UGT1A4: variants seen among roughly 807,000 people sequenced by gnomAD.
UGT1A4 encodes the protein UDP-glucuronosyltransferase 1A4.
UGT1A4 carries 32 observed loss-of-function variants against 41.1 expected under a neutral mutation model. That is an observed-to-expected ratio of 0.78 (90% confidence interval 0.59 to 1.05). The LOEUF (loss-of-function observed/expected upper bound fraction) is 1.05, where lower values mean the gene tolerates loss of function less well. UGT1A4 is among the 50% of genes least tolerant of loss of function. UGT1A4 has a pLI of 0.00. For missense variants in UGT1A4, 748 were observed against 677.4 expected, an observed-to-expected ratio of 1.10 and a Z score of -1.16; for synonymous variants, 283 against 265.1, an observed-to-expected ratio of 1.07 and a Z score of -0.66.
chr2:233,772,289 C>T lies in UGT1A4; in HGVS notation c.1335C>T (p.Ser445=). Residue 445 remains serine (S), a synonymous_variant, in exon 5 of 5, where the codon TCC becomes TCT. Coordinates refer to ENST00000373409, the MANE Select transcript of UGT1A4 (RefSeq NM_007120.3). ...ACAAGGAGAACATCATGCGCCTCTC[C>T]AGCCTTCACAAGGACCGCCCGGTGG... is the stretch of plus-strand genomic sequence containing the variant. The part of the protein sequence containing the change: ...KSYKENIMRL[S]SLHKDRPVEP... The T allele has an allele frequency of 6.2e-7, 1 of 1,614,242 alleles. No homozygotes were observed. The highest frequency in any genetic ancestry group is 8.5e-7 in the Non-Finnish European group (1 of 1,180,054).
Position 233,760,769 on chromosome 2 carries a change from C to T in UGT1A4, c.868-6265C>T, listed in dbSNP as rs756981269. 1.9e-6 allele frequency: 3 copies of T among 1,614,028 alleles called. No individual in the cohort carries two copies. The South Asian group carries it at 3.3e-5, about 18-fold the overall frequency. On this transcript the variant is annotated intron_variant, in intron 1 of 4. Coordinates refer to ENST00000373409, the MANE Select transcript of UGT1A4 (RefSeq NM_007120.3). ...TTCCTTCCTTGCAGCCCCATCGTGG[C>T]CCAGTACCTGTCTCTGCCCACTGTA...
Position 233,769,424 on chromosome 2 carries a change from G to T in UGT1A4, c.1307+985G>T. 2 of 1,481,600 alleles carry T rather than the reference G, an allele frequency of 1.3e-6. No homozygotes were observed. The highest frequency in any genetic ancestry group is 1.8e-4 in the Middle Eastern group (1 of 5,630). 91.8% of individuals were successfully genotyped at this position (1,481,600 alleles called of 1,614,324 possible). Reference sequence around the variant, plus strand: ...ATGTGCGTGTGCGTTTGTGCATGTGGCTGTGCTCATGTGTGGGTGCACACG... The same window carrying T: ...ATGTGCGTGTGCGTTTGTGCATGTGTCTGTGCTCATGTGTGGGTGCACACG... On this transcript the variant is annotated intron_variant, in intron 4 of 4. Coordinates refer to ENST00000373409, the MANE Select transcript of UGT1A4 (RefSeq NM_007120.3). This position sits in a 1 kb window ranked among gnomAD's most constrained non-coding sequence, Gnocchi z 4.4.
chr2:233,729,015 A>G, intron 1 of UGT1A4: 2 of 1,589,624 alleles, frequency 1.3e-6, no homozygotes, highest in Non-Finnish European at 1.7e-6. Context: ...CTGTCTTCCA[A>G]TTACACGTTG....
Position 233,719,004 on chromosome 2 carries a change from A to T in UGT1A4, c.184A>T (p.Thr62Ser). Residue 62 changes from threonine (T) to serine (S), a missense_variant, in exon 1 of 5, where the codon ACC (threonine) becomes TCC (serine). Thr to Ser is a moderately conservative substitution (Grantham distance 58, BLOSUM62 1). Coordinates refer to ENST00000373409, the MANE Select transcript of UGT1A4 (RefSeq NM_007120.3). ...HARGHQAVVL[T>S]PEVNMHIKEE... The stretch of plus-strand genomic sequence containing the variant: ...CAGAGGCCACCAGGCGGTGGTCCTC[A>T]CCCCAGAGGTGAATATGCACATCAA... 6.2e-7 allele frequency: 1 copy of T among 1,614,212 alleles called. No homozygotes were observed. The highest frequency in any genetic ancestry group is 8.5e-7 in the Non-Finnish European group (1 of 1,180,034).
At chr2:233,723,922 G>A (rs1482507868) in intron 1 of UGT1A4, among the ~76,000 whole-genome samples, 1 of 49,060 alleles carries the variant, frequency 2.0e-5, no homozygotes, top group Non-Finnish European at 3.5e-5. Flanking sequence ...AGTCTCCCAT[G>A]TCTACTTCTT....
At chr2:233,766,486 C>T (rs562758025) in intron 1 of UGT1A4, among the ~76,000 whole-genome samples, 29 of 152,240 alleles carry the variant, frequency 1.9e-4, no homozygotes, top group African/African-American at 6.5e-4. Flanking sequence ...ATGATGGGGG[C>T]GTGGCAGGCC....
rs1481234082 is a variant in UGT1A4 at position 233,745,697 on chromosome 2, C to T, written c.868-21337C>T. Among the ~76,000 whole-genome samples the T allele has an allele frequency of 4.1e-5, 6 of 147,560 alleles. 1 individual carries two copies. Among genetic ancestry groups the T allele is most frequent in the East Asian group, 2.0e-4 (1 of 4,980 alleles). ...GGAACATCAAAGCAAGTTTGGAGAA[C>T]AACAAGTGATCCAGAATGGCTGGAG... is the stretch of plus-strand genomic sequence containing the variant. On this transcript the variant is annotated intron_variant, in intron 1 of 4. Coordinates refer to ENST00000373409, the MANE Select transcript of UGT1A4 (RefSeq NM_007120.3).
At chr2:233,766,826 T>G (rs1699252557) in intron 1 of UGT1A4, among the ~76,000 whole-genome samples, 1 of 152,230 alleles carries the variant, frequency 6.6e-6, no homozygotes, top group Non-Finnish European at 1.5e-5. Context: ...AGGATAATTC[T>G]GTAAGCAGGA....
Position 233,769,609 on chromosome 2 carries a change from C to T in UGT1A4, c.1307+1170C>T, listed in dbSNP as rs776582226. The T allele has an allele frequency of 3.7e-6, 6 of 1,612,752 alleles. No individual in the cohort carries two copies. Among genetic ancestry groups the T allele is most frequent in the Non-Finnish European group, 5.1e-6 (6 of 1,179,862 alleles). On this transcript the variant is annotated intron_variant, in intron 4 of 4. Transcript: ENST00000373409. The surrounding 1 kb of genome is among the most constrained non-coding windows in gnomAD (Gnocchi z 4.4). ...AGAGGAGACGGAACACGGGGACACACCAGCTTGAGCAAGGGACAACAGGGG... is the reference window on the plus strand; with the variant it reads ...AGAGGAGACGGAACACGGGGACACATCAGCTTGAGCAAGGGACAACAGGGG...
rs371053346 is a variant in UGT1A4 at position 233,720,746 on chromosome 2, C to T, written c.867+1059C>T. On this transcript the variant is annotated intron_variant, in intron 1 of 4. Coordinates refer to ENST00000373409, the MANE Select transcript of UGT1A4 (RefSeq NM_007120.3). ...CTTGAGACTGAGCCTCGTTCTGTCG[C>T]CCAGGCTGGAGGGCAGTGGCCGGAT... is the stretch of plus-strand genomic sequence containing the variant. Among the ~76,000 whole-genome samples the T allele has an allele frequency of 1.6e-4, 24 of 151,102 alleles. No individual in the cohort carries two copies. The South Asian group carries it at 4.7e-3, about 29-fold the overall frequency.
chr2:233,730,135 G>GA lies in UGT1A4; in HGVS notation c.867+10449dup, dbSNP rs1299530262. ...TCTCCTTGTCATAATAGCCTTCAGT[G>GA]AGATAAACTGTTAAGGGGTCTCTAG... On this transcript the variant is annotated intron_variant, in intron 1 of 4. Coordinates refer to ENST00000373409, the MANE Select transcript of UGT1A4 (RefSeq NM_007120.3). 3.8e-5 allele frequency: 58 copies of GA among 1,528,822 alleles called. No homozygotes were observed. In the African/African-American group the frequency reaches 8.0e-4, roughly 21 times the overall value. 94.7% of individuals were successfully genotyped at this position (1,528,822 alleles called of 1,614,324 possible).
At chr2:233,768,058 CTT>C in intron 3 of UGT1A4, 122 bp downstream of exon 3, 1 of 1,601,872 alleles carries the variant, frequency 6.2e-7, no homozygotes, top group East Asian at 2.2e-5. Context: ...TCCTACATTG[CTT>C]TTTATCTAGT....
At chr2:233,727,899 C>T (rs1376574896) in intron 1 of UGT1A4, among the ~76,000 whole-genome samples, 1 of 152,176 alleles carries the variant, frequency 6.6e-6, no homozygotes, top group Admixed American at 6.5e-5. Context: ...CACGGCCAGG[C>T]AAGAAGACAC....
At chr2:233,721,832 G>A (rs935086568) in intron 1 of UGT1A4, 5 of 515,852 alleles carry the variant, frequency 9.7e-6, no homozygotes, top group Admixed American at 3.9e-5. Flanking sequence ...TTGGGCCACC[G>A]ACCTTGTGTC....
Position 233,769,147 on chromosome 2 carries a change from G to A in UGT1A4, c.1307+708G>A, listed in dbSNP as rs1297167698. 6.6e-6 allele frequency among the ~76,000 whole-genome samples: 1 copy of A among 152,116 alleles called. No homozygotes were observed. The highest frequency in any genetic ancestry group is 2.4e-5 in the African/African-American group (1 of 41,410). On this transcript the variant is annotated intron_variant, in intron 4 of 4. Transcript: ENST00000373409. This position sits in a 1 kb window ranked among gnomAD's most constrained non-coding sequence, Gnocchi z 4.4. ...AGAAGTACAGCTTTTTGCAGCACTG[G>A]AACCTGTGAGAAATTTTGTCCATGG...
chr2:233,769,493 G>C lies in UGT1A4; in HGVS notation c.1307+1054G>C, dbSNP rs1230643911. 1 of 1,612,700 alleles carries C rather than the reference G, an allele frequency of 6.2e-7. No homozygotes were observed. Among genetic ancestry groups the C allele is most frequent in the Admixed American group, 1.7e-5 (1 of 60,004 alleles). On this transcript the variant is annotated intron_variant, in intron 4 of 4. Coordinates refer to ENST00000373409, the MANE Select transcript of UGT1A4 (RefSeq NM_007120.3). This position sits in a 1 kb window ranked among gnomAD's most constrained non-coding sequence, Gnocchi z 4.4. ...TGTGTGTGTGTGCGTGTGTTTATGA[G>C]AGTGTCCATTGCTTTCTCCCATGGT... is the stretch of plus-strand genomic sequence containing the variant.
At chr2:233,725,467 G>A (rs1170231243) in intron 1 of UGT1A4, among the ~76,000 whole-genome samples, 1 of 151,678 alleles carries the variant, frequency 6.6e-6, no homozygotes, top group Non-Finnish European at 1.5e-5. Flanking sequence ...TTTTCTAGTG[G>A]GCATGTTAGA....
intron 1 of UGT1A4, chr2:233,722,079 A>C (rs1416421217): frequency 4.1e-6 from 1 of 244,000 alleles, no homozygotes; most frequent in African/African-American, 2.3e-5. Context: ...AAGAATTTTC[A>C]CAGATCACCT....
chr2:233,764,139 C>T (rs911077141), intron 1 of UGT1A4, among the ~76,000 whole-genome samples: 4 of 152,156 alleles, frequency 2.6e-5, no homozygotes, highest in Admixed American at 1.3e-4. Context: ...TGTTAAATGT[C>T]TCATTTTGGC....
Sources: gnomAD v4.1 joint callset for allele counts (sites outside exome capture counted in the v4.1 genomes callset) on GRCh38, gnomAD v4.1.1 for gene constraint, Gnocchi (gnomAD v3.1) non-coding constraint, MANE v1.5 for transcripts, NCBI Gene and HGNC (gene_info 2026-07-23, HGNC 2026-07-21) for gene names.